ANO5: variants seen among roughly 807,000 people sequenced by gnomAD.
ANO5 encodes the protein anoctamin-5.
Under a neutral mutation model 121.0 loss-of-function variants are expected in ANO5, and 109 were observed. The observed-to-expected ratio is 0.90, with a 90% CI of 0.77 to 1.06. The LOEUF is 1.06. Among genes scored for constraint, ANO5 ranks in the 50% least tolerant of loss-of-function variants. The probability of loss-of-function intolerance (pLI) is 0.00; values close to 1 mark genes in which losing one functional copy is unlikely to be tolerated. For synonymous variants in ANO5, 406 were observed against 359.9 expected (o/e 1.13, Z -1.45); for missense variants, 1,064 against 1,078.5 (o/e 0.99, Z 0.19).
chr11:22,250,208 T>C (rs1205431036), intron 9 of ANO5, 29 bp from the exon 10 acceptor site: 1 of 1,545,122 alleles, frequency 6.5e-7, no homozygotes, highest in Non-Finnish European at 8.9e-7. Flanking sequence ...TCTTCCATAT[T>C]CTGATTCTGT....
At chr11:22,209,487 G>A (rs1852215094) in intron 2 of ANO5, among the ~76,000 whole-genome samples, 1 of 151,808 alleles carries the variant, frequency 6.6e-6, no homozygotes, top group South Asian at 2.1e-4. Context: ...AAAAGGTTAT[G>A]AGGCAAACTG....
In ANO5 at chr11:22,281,625, A is replaced by T. The variant is rs1181427544; in HGVS notation, c.*1860A>T. The T allele has an allele frequency of 6.7e-6, 1 of 148,232 alleles. No homozygotes were observed. Among genetic ancestry groups the T allele is most frequent in the Non-Finnish European group, 1.5e-5 (1 of 66,464 alleles). The allele number at this position is 148,232 out of a possible 1,614,324, so 9.2% of individuals were successfully genotyped here. The stretch of plus-strand genomic sequence containing the variant: ...ATAGTGTACAGTGCACACAGCTCAT[A>T]TTGCTTCCTTCCTGGGTGCTGATAA... On this transcript the variant is annotated 3_prime_UTR_variant, in exon 22 of 22. Coordinates refer to ENST00000324559, the MANE Select transcript of ANO5 (RefSeq NM_213599.3).
chr11:22,225,966 GA>G lies in ANO5; in HGVS notation c.295-17del. ...CAAAAGCATTCTGCATAATTCTGTT[GA>G]TTTTTTTTTGTCATAGGAAAGAAGA... On this transcript the variant is annotated splice_polypyrimidine_tract_variant and intron_variant, in intron 5 of 21. Transcript: ENST00000324559. The G allele has an allele frequency of 6.4e-7, 1 of 1,568,402 alleles. No homozygotes were observed. Among genetic ancestry groups the G allele is most frequent in the Middle Eastern group, 1.7e-4 (1 of 5,946 alleles).
chr11:22,200,594 G>A (rs1851937532), intron 1 of ANO5, among the ~76,000 whole-genome samples: 1 of 152,072 alleles, frequency 6.6e-6, no homozygotes, highest in Non-Finnish European at 1.5e-5. Context: ...GTGCATGATG[G>A]TGGAGAATAT....
At chr11:22,215,729 C>A (rs1373795112) in intron 3 of ANO5, among the ~76,000 whole-genome samples, 1 of 151,696 alleles carries the variant, frequency 6.6e-6, no homozygotes, top group African/African-American at 2.4e-5. Flanking sequence ...TAAAATGCAC[C>A]CATTTTAAGT....
At chr11:22,243,381 G>C (rs2133679750) in intron 9 of ANO5, among the ~76,000 whole-genome samples, 1 of 152,010 alleles carries the variant, frequency 6.6e-6, no homozygotes, top group South Asian at 2.1e-4. Flanking sequence ...TTGTCTTTTT[G>C]TTGTTGTGTC....
intron 7 of ANO5, among the ~76,000 whole-genome samples, chr11:22,232,377 CT>C (rs1853072080): frequency 6.6e-6 from 1 of 151,764 alleles, no homozygotes; most frequent in Admixed American, 6.6e-5. Flanking sequence ...TAGATCTTCC[CT>C]TTTCTTGTCA....
intron 2 of ANO5, among the ~76,000 whole-genome samples, chr11:22,210,418 T>G (rs1852241318): frequency 6.6e-6 from 1 of 151,982 alleles, no homozygotes; most frequent in Non-Finnish European, 1.5e-5. Flanking sequence ...TTTTATCTGC[T>G]ATTTTGAAAA....
At chr11:22,269,015 A>AC (rs1554933157) in intron 17 of ANO5, among the ~76,000 whole-genome samples, 1 of 151,270 alleles carries the variant, frequency 6.6e-6, no homozygotes, top group South Asian at 2.1e-4. Context: ...AAAAAGAAAG[A>AC]AGACAGACAT....
chr11:22,206,340 AG>A (rs1399315254), intron 2 of ANO5, among the ~76,000 whole-genome samples: 3 of 10,172 alleles, frequency 2.9e-4, no homozygotes, highest in Admixed American at 2.0e-3. Context: ...GGAAAGGGAC[AG>A]AGTCTTGCTC....
chr11:22,279,428 C>G, intron 21 of ANO5, 116 bp from the exon 22 acceptor site: 2 of 850,734 alleles, frequency 2.4e-6, no homozygotes, highest in Non-Finnish European at 3.8e-6. Context: ...TCTTCCTTGC[C>G]TTTCTACCTC....
At chr11:22,203,077 C>T (rs1225754600) in intron 1 of ANO5, among the ~76,000 whole-genome samples, 1 of 151,970 alleles carries the variant, frequency 6.6e-6, no homozygotes, top group Non-Finnish European at 1.5e-5. Context: ...TTTCATTCGC[C>T]AGTTTTTCTA....
intron 17 of ANO5, among the ~76,000 whole-genome samples, chr11:22,269,536 AAAG>A (rs1426201390): frequency 1.3e-5 from 2 of 148,562 alleles, no homozygotes; most frequent in Non-Finnish European, 3.0e-5. Flanking sequence ...GGAAAGAAAA[AAAG>A]AAAAGGAAGG....
In ANO5 at chr11:22,211,723, G is replaced by C. The variant is rs145984952; in HGVS notation, c.138+409G>C. On this transcript the variant is annotated intron_variant, in intron 3 of 21. Transcript: ENST00000324559. ...TAAGTACATGCCTGAGGATAATCAT[G>C]AAAAAGTACAATTCATTTAAAAATC... is the stretch of plus-strand genomic sequence containing the variant. 1.0e-3 allele frequency among the ~76,000 whole-genome samples: 152 copies of C among 151,938 alleles called. 1 individual carries two copies. Among genetic ancestry groups the C allele is most frequent in the Non-Finnish European group, 3.7e-4 (25 of 67,860 alleles).
In ANO5 at chr11:22,209,651, C is replaced by G. The variant is rs77168656; in HGVS notation, c.88-1613C>G. 0.014 allele frequency among the ~76,000 whole-genome samples: 2,053 copies of G among 151,964 alleles called. 152 individuals are homozygous for G. In the East Asian group the frequency reaches 0.21, roughly 16 times the overall value. On this transcript the variant is annotated intron_variant, in intron 2 of 21. Coordinates refer to ENST00000324559, the MANE Select transcript of ANO5 (RefSeq NM_213599.3). ...TGTGTCTAGAAGTACATCAAGGATT[C>G]TCGTTTTGCCTAAGACTATTCTTAG...
rs1855102836 is a variant in ANO5 at position 22,282,099 on chromosome 11, C to G, written c.*2334C>G. The G allele has an allele frequency of 6.6e-6, 1 of 152,082 alleles. No homozygotes were observed. The highest frequency in any genetic ancestry group is 6.5e-5 in the Admixed American group (1 of 15,272). 9.4% of individuals were successfully genotyped at this position (152,082 alleles called of 1,614,324 possible). On this transcript the variant is annotated 3_prime_UTR_variant, in exon 22 of 22. Transcript: ENST00000324559. ...CCCATTGGTTTTTATGGGAGGGCTG[C>G]ATTAAGAGCACCCAACCACCACATG...
intron 17 of ANO5, 124 bp from the exon 18 acceptor site, chr11:22,270,188 T>G (rs1325215008): frequency 1.3e-5 from 17 of 1,295,524 alleles, no homozygotes; most frequent in Non-Finnish European, 1.8e-5. Context: ...TCATTTCTCT[T>G]TGCTCTGTGA....
chr11:22,260,793 T>C (rs776139843), intron 15 of ANO5, among the ~76,000 whole-genome samples: 4 of 152,194 alleles, frequency 2.6e-5, no homozygotes, highest in Non-Finnish European at 4.4e-5. Context: ...TACTGGGAGA[T>C]CATCAGCTCA....
chr11:22,250,206 A>G (rs1420625087), intron 9 of ANO5, 31 bp from the exon 10 acceptor site: 1 of 1,541,854 alleles, frequency 6.5e-7, no homozygotes, highest in East Asian at 2.3e-5. Flanking sequence ...ATTCTTCCAT[A>G]TTCTGATTCT....
Sources: gnomAD v4.1 joint callset for allele counts (sites outside exome capture counted in the v4.1 genomes callset) on GRCh38, gnomAD v4.1.1 for gene constraint, MANE v1.5 for transcripts, NCBI Gene and HGNC (gene_info 2026-07-23, HGNC 2026-07-21) for gene names.